TRDN: variants seen among roughly 807,000 people sequenced by gnomAD.
The protein encoded by TRDN is triadin in skeletal muscle.
TRDN carries 161 observed loss-of-function variants against 149.7 expected under a neutral mutation model. That is an observed-to-expected ratio of 1.08 (90% confidence interval 0.95 to 1.23). TRDN has a LOEUF of 1.23. TRDN is among the 50% of genes most tolerant of loss of function. The pLI, the probability that TRDN is intolerant of heterozygous loss-of-function variation, is 0.00. For synonymous variants in TRDN, 294 were observed against 250.5 expected (o/e 1.17, Z -1.64); for missense variants, 896 against 823.5 (o/e 1.09, Z -1.08).
chr6:123,501,815 G>A (rs1778711593), intron 8 of TRDN: 2 of 862,832 alleles, frequency 2.3e-6, no homozygotes. Context: ...AAAAATAGTA[G>A]ACTGAAAAGG....
chr6:123,579,865 C>T (rs192150531), intron 1 of TRDN, among the ~76,000 whole-genome samples: 29 of 152,254 alleles, frequency 1.9e-4, no homozygotes, highest in Admixed American at 1.6e-3. Flanking sequence ...GGCTCTGCCC[C>T]CTCCCTCACT....
intron 22 of TRDN, among the ~76,000 whole-genome samples, chr6:123,337,172 C>T (rs1199504920): frequency 6.6e-6 from 1 of 151,962 alleles, no homozygotes; most frequent in African/African-American, 2.4e-5. Context: ...GTTCTAATTA[C>T]CAAATATTAC....
At chr6:123,329,248 AAAG>A (rs1383048147) in intron 23 of TRDN, among the ~76,000 whole-genome samples, 2 of 152,164 alleles carry the variant, frequency 1.3e-5, no homozygotes, top group Non-Finnish European at 2.9e-5. Context: ...ACCTTTACTC[AAAG>A]AAGAATATGC....
At chr6:123,501,966 C>T in intron 8 of TRDN, 1 of 985,042 alleles carries the variant, frequency 1.0e-6, no homozygotes, top group Non-Finnish European at 1.2e-6. Flanking sequence ...TCCCAAATCC[C>T]CAAAGATATG....
chr6:123,563,215 C>G (rs1194816397), intron 2 of TRDN, among the ~76,000 whole-genome samples: 1 of 152,174 alleles, frequency 6.6e-6, no homozygotes, highest in Non-Finnish European at 1.5e-5. Context: ...GTATATTTCA[C>G]CTCTCTTACT....
intron 37 of TRDN, 101 bp from the exon 38 acceptor site, chr6:123,252,536 G>T: frequency 3.3e-6 from 2 of 604,288 alleles, no homozygotes; most frequent in Non-Finnish European, 5.6e-6. Context: ...TTTGTTTCTT[G>T]CTTATTATTT....
chr6:123,512,392 A>G, intron 6 of TRDN, 30 bp from the exon 7 acceptor site: 2 of 1,304,336 alleles, frequency 1.5e-6, no homozygotes, highest in East Asian at 4.9e-5. Flanking sequence ...ATTAGTACAC[A>G]TTTTTAATAG....
intron 13 of TRDN, 142 bp from the exon 14 acceptor site, chr6:123,388,693 G>C (rs1232103168): frequency 1.2e-6 from 1 of 845,528 alleles, no homozygotes; most frequent in South Asian, 1.8e-5. Context: ...TATGATAGGA[G>C]TGTAAGCAGA....
At chr6:123,341,514 G>A (rs1335574909) in intron 21 of TRDN, among the ~76,000 whole-genome samples, 1 of 149,780 alleles carries the variant, frequency 6.7e-6, no homozygotes, top group Admixed American at 6.6e-5. Flanking sequence ...TATTTAAAAA[G>A]AATAAAATTT....
At chr6:123,501,349 AG>A (rs909975493) in intron 8 of TRDN, among the ~76,000 whole-genome samples, 70 of 151,260 alleles carry the variant, frequency 4.6e-4, no homozygotes, top group African/African-American at 1.6e-3. Flanking sequence ...CAAACATATT[AG>A]GTCTAACTTA....
At chr6:123,240,077 A>G (rs1314476165) in intron 38 of TRDN, among the ~76,000 whole-genome samples, 1 of 152,030 alleles carries the variant, frequency 6.6e-6, no homozygotes, top group Non-Finnish European at 1.5e-5. Flanking sequence ...AATACATGTC[A>G]TAAAATTAGA....
intron 32 of TRDN, among the ~76,000 whole-genome samples, chr6:123,266,348 T>A (rs904389779): frequency 1.3e-3 from 146 of 114,040 alleles, no homozygotes; most frequent in Non-Finnish European, 2.1e-3. Context: ...GTATTATATA[T>A]AATATATATA....
At chr6:123,547,034 T>C (rs1238457807) in intron 4 of TRDN, among the ~76,000 whole-genome samples, 1 of 152,090 alleles carries the variant, frequency 6.6e-6, no homozygotes, top group Non-Finnish European at 1.5e-5. Flanking sequence ...GGGTGTCATT[T>C]TCTGGGCCAT....
chr6:123,507,110 C>T (rs1362672026), intron 7 of TRDN, among the ~76,000 whole-genome samples: 1 of 151,824 alleles, frequency 6.6e-6, no homozygotes, highest in Non-Finnish European at 1.5e-5. Flanking sequence ...ATAGAGACTG[C>T]ATTATGTAAA....
At chr6:123,433,128 C>A (rs1774399873) in intron 12 of TRDN, among the ~76,000 whole-genome samples, 1 of 134,270 alleles carries the variant, frequency 7.4e-6, no homozygotes, top group Non-Finnish European at 1.6e-5. Flanking sequence ...CACTCCCCTT[C>A]CCCCACACAT....
chr6:123,323,016 C>G (rs1297985299), intron 23 of TRDN, among the ~76,000 whole-genome samples: 1 of 152,016 alleles, frequency 6.6e-6, no homozygotes, highest in Non-Finnish European at 1.5e-5. Context: ...GCCTCACTGC[C>G]TAGAATAGCC....
chr6:123,619,953 C>T (rs994029906), intron 1 of TRDN, among the ~76,000 whole-genome samples: 1 of 152,080 alleles, frequency 6.6e-6, no homozygotes, highest in Non-Finnish European at 1.5e-5. Context: ...TCTTGACCTC[C>T]ACACACTTTT....
intron 38 of TRDN, among the ~76,000 whole-genome samples, chr6:123,234,339 A>G (rs1016371010): frequency 1.3e-5 from 2 of 152,128 alleles, no homozygotes; most frequent in African/African-American, 4.8e-5. Flanking sequence ...GTATGTGTAT[A>G]TATGTTTATA....
intron 24 of TRDN, 137 bp downstream of exon 24, chr6:123,316,320 C>T: frequency 1.3e-6 from 1 of 788,986 alleles, no homozygotes; most frequent in Non-Finnish European, 2.1e-6. Context: ...AAATATATGG[C>T]ACATAGCATC....
Sources: gnomAD v4.1 joint callset for allele counts (sites outside exome capture counted in the v4.1 genomes callset) on GRCh38, gnomAD v4.1.1 for gene constraint, MANE v1.5 for transcripts, NCBI Gene and HGNC (gene_info 2026-07-23, HGNC 2026-07-21) for gene names.